The following AKAP8L variants were observed in gnomAD, a reference collection of about 807,000 sequenced individuals.
The protein encoded by AKAP8L is A-kinase anchoring protein 8 like, also known as A-kinase anchor protein 8-like.
In AKAP8L, 34 loss-of-function variants were observed where a neutral mutation model predicts 77.5. That is an observed-to-expected ratio of 0.44 (90% CI 0.33 to 0.58). The LOEUF (loss-of-function observed/expected upper bound fraction) is 0.58, where lower values mean the gene tolerates loss of function less well. AKAP8L is among the 20% of genes least tolerant of loss of function. The pLI is 0.02. For missense variants in AKAP8L, 806 were observed against 887.6 expected (o/e 0.91, Z 1.17); for synonymous variants, 342 against 340.7 (o/e 1.00, Z -0.04).
chr19:15,414,891 G>A (rs536355597), intron 1 of AKAP8L, among the ~76,000 whole-genome samples: 74 of 152,294 alleles, frequency 4.9e-4, no homozygotes, highest in African/African-American at 1.4e-3. Context: ...CTCAGCCTCC[G>A]GGGCTCAAGT....
At chr19:15,415,697 T>C (rs1025008853) in intron 1 of AKAP8L, among the ~76,000 whole-genome samples, 3 of 151,902 alleles carry the variant, frequency 2.0e-5, no homozygotes, top group Non-Finnish European at 4.4e-5. Context: ...CCATCCTGGC[T>C]AACAAGGTGA....
rs1321036293 is a variant in AKAP8L, at chr19:15,397,376, C to A, written c.1406-96G>T. ...ACCACACCAGCTCCTCCTCAACTCGCCCTGCCACTTCCACCTGGGCCTGAG... is the reference window on the plus strand; with the variant it reads ...ACCACACCAGCTCCTCCTCAACTCGACCTGCCACTTCCACCTGGGCCTGAG... On this transcript the variant is annotated intron_variant, in intron 11 of 13. Transcript: ENST00000397410. This position sits in a 1 kb window ranked among gnomAD's most constrained non-coding sequence, Gnocchi z 4.7. The A allele has an allele frequency of 6.5e-7, 1 of 1,529,786 alleles. No individual in the cohort carries two copies. Among genetic ancestry groups the A allele is most frequent in the East Asian group, 2.4e-5 (1 of 42,388 alleles). The allele number at this position is 1,529,786 out of a possible 1,614,324, so 94.8% of individuals were successfully genotyped here.
rs1005215736 is a variant in AKAP8L at position 15,418,814 on chromosome 19, C to T, written c.13+97G>A. 2.5e-5 allele frequency: 32 copies of T among 1,291,162 alleles called. No homozygotes were observed. The African/African-American group carries it at 4.2e-4, about 17-fold the overall frequency. 80.0% of individuals were successfully genotyped at this position (1,291,162 alleles called of 1,614,324 possible). On this transcript the variant is annotated intron_variant, in intron 1 of 13. Coordinates refer to ENST00000397410, the MANE Select transcript of AKAP8L (RefSeq NM_014371.4). ...TTTGTGACCGCAGGGAAGGCAGTGA[C>T]GGGGCCCCAGGGGAGGTGCGGGCAA...
Position 15,392,619 on chromosome 19 carries a change from G to A in AKAP8L, c.1536+4531C>T, listed in dbSNP as rs981814146. Among the ~76,000 whole-genome samples the A allele has an allele frequency of 5.3e-5, 8 of 151,766 alleles. No individual in the cohort carries two copies. The East Asian group carries it at 7.7e-4, about 15-fold the overall frequency. ...TACTTATAAATAATCTTAACAGGCC[G>A]GGCCTGGTGGCTCATGCCTGTAATC... On this transcript the variant is annotated intron_variant, in intron 12 of 13. Transcript: ENST00000397410.
chr19:15,395,052 C>CAA (rs1376616414), intron 12 of AKAP8L, among the ~76,000 whole-genome samples: 1 of 149,602 alleles, frequency 6.7e-6, no homozygotes, highest in Non-Finnish European at 1.5e-5. Context: ...TTTTTTGAGA[C>CAA]AGAGTCTCGC....
chr19:15,387,852 G>A (rs914443045), intron 12 of AKAP8L, among the ~76,000 whole-genome samples: 3 of 152,048 alleles, frequency 2.0e-5, no homozygotes, highest in Non-Finnish European at 2.9e-5. Flanking sequence ...CCAGCTACTC[G>A]GGAGGCTGAG....
rs756281410 is a variant in AKAP8L, at chr19:15,401,007, C to T, written c.853G>A (p.Asp285Asn). Residue 285 changes from aspartate (D) to asparagine (N), a missense_variant, in exon 6 of 14, where the codon GAT becomes AAT. Physicochemically the swap from Asp to Asn is conservative, Grantham distance 23 (BLOSUM62 1). This residue lies in a region of AKAP8L where 580 missense variants were observed against 694.1 expected (regional missense o/e 0.84). Coordinates refer to ENST00000397410, the MANE Select transcript of AKAP8L (RefSeq NM_014371.4). The surrounding 1 kb of genome is among the most constrained non-coding windows in gnomAD (Gnocchi z 6.2). ...CGGGTGGCTTTGCTATCTGGCTCAT[C>T]AGGACTGCCGCCCTGCTTTCTCTTC... ...KKKRKQGGSPDEPDSKATRTD... is the reference protein window; with the variant it reads ...KKKRKQGGSPNEPDSKATRTD... 3 of 1,613,808 alleles carry T rather than the reference C, an allele frequency of 1.9e-6. No homozygotes were observed. The South Asian group carries it at 3.3e-5, about 18-fold the overall frequency.
At chr19:15,388,948 C>T (rs1234393174) in intron 12 of AKAP8L, among the ~76,000 whole-genome samples, 1 of 149,586 alleles carries the variant, frequency 6.7e-6, no homozygotes, top group African/African-American at 2.5e-5. Flanking sequence ...AGCTCGGTGG[C>T]TCACGCCTAT....
intron 1 of AKAP8L, 136 bp from the exon 2 acceptor site, chr19:15,410,730 A>C (rs911345136): frequency 1.5e-6 from 1 of 653,040 alleles, no homozygotes; most frequent in Non-Finnish European, 2.7e-6. Flanking sequence ...TAGATTCCAC[A>C]GTTTAATTAG....
At position 15,401,200 on chromosome 19, in the gene AKAP8L, T is replaced by C. The variant is rs746832171; in HGVS notation, c.766A>G (p.Met256Val). Residue 256 changes from methionine (M) to valine (V), a missense_variant, in exon 5 of 14, where the codon ATG (methionine) becomes GTG (valine). By Grantham distance (21) the Met-to-Val change is conservative. Around this residue, in one of 2 missense-constraint regions of AKAP8L, gnomAD observed 580 missense variants for 694.1 expected, o/e 0.84. Coordinates refer to ENST00000397410, the MANE Select transcript of AKAP8L (RefSeq NM_014371.4). The surrounding 1 kb of genome is among the most constrained non-coding windows in gnomAD (Gnocchi z 6.2). ...SRFGFGFGNG[M>V]KQMRRTWKTW... ...TTCCAGGTCCGCCTCATCTGCTTCA[T>C]GCCATTGCCAAACCCGAAACCAAAG... 6.8e-6 allele frequency: 11 copies of C among 1,611,928 alleles called. No individual in the cohort carries two copies. In the South Asian group the frequency reaches 8.8e-5, roughly 13 times the overall value.
chr19:15,381,786 G>C (rs1366041982), intron 12 of AKAP8L: 1 of 152,170 alleles, frequency 6.6e-6, no homozygotes, highest in African/African-American at 2.4e-5. Context: ...TAGATGCCCA[G>C]ATAACCACAC....
intron 12 of AKAP8L, among the ~76,000 whole-genome samples, chr19:15,386,980 C>T (rs959626747): frequency 2.0e-5 from 3 of 152,250 alleles, no homozygotes; most frequent in East Asian, 3.9e-4. Context: ...TCTCTCATCC[C>T]GCCCCCAGCT....
chr19:15,411,193 G>T (rs907329372), intron 1 of AKAP8L, among the ~76,000 whole-genome samples: 1 of 152,096 alleles, frequency 6.6e-6, no homozygotes, highest in Admixed American at 6.5e-5. Context: ...TGTTAAATGA[G>T]GAAACTATTC....
At chr19:15,413,740 T>C (rs1258094181) in intron 1 of AKAP8L, among the ~76,000 whole-genome samples, 2 of 152,222 alleles carry the variant, frequency 1.3e-5, no homozygotes, top group African/African-American at 4.8e-5. Flanking sequence ...CTTTCAGCAA[T>C]TGGGCCACCA....
Position 15,397,484 on chromosome 19 carries a change from C to G in AKAP8L, c.1405+36G>C. Reference sequence around the variant, plus strand: ...CGAAAATCAGGAGTGCAGGCTGAGGCCTTGCCTGGTGGGAGTGGGCTGAAA... The same window carrying G: ...CGAAAATCAGGAGTGCAGGCTGAGGGCTTGCCTGGTGGGAGTGGGCTGAAA... On this transcript the variant is annotated intron_variant, in intron 11 of 13. Coordinates refer to ENST00000397410, the MANE Select transcript of AKAP8L (RefSeq NM_014371.4). This position sits in a 1 kb window ranked among gnomAD's most constrained non-coding sequence, Gnocchi z 4.7. The G allele has an allele frequency of 6.3e-7, 1 of 1,580,000 alleles. No homozygotes were observed. Among genetic ancestry groups the G allele is most frequent in the South Asian group, 1.1e-5 (1 of 90,018 alleles).
At chr19:15,404,707 G>T (rs548911406) in intron 2 of AKAP8L, among the ~76,000 whole-genome samples, 1 of 152,332 alleles carries the variant, frequency 6.6e-6, no homozygotes, top group African/African-American at 2.4e-5. Flanking sequence ...CTGGGTCTCT[G>T]GTGAGACCCA....
rs544928225 is a variant in AKAP8L at position 15,387,788 on chromosome 19, G to A, written c.1537-7176C>T. 3.9e-5 allele frequency among the ~76,000 whole-genome samples: 6 copies of A among 152,088 alleles called. No individual in the cohort carries two copies. The South Asian group carries it at 6.2e-4, about 16-fold the overall frequency. The stretch of plus-strand genomic sequence containing the variant: ...AGCCTGGCCAACATGGTGAAACCCC[G>A]TCTCTACTAACAATACAAAAATTAG... On this transcript the variant is annotated intron_variant, in intron 12 of 13. Coordinates refer to ENST00000397410, the MANE Select transcript of AKAP8L (RefSeq NM_014371.4).
intron 12 of AKAP8L, among the ~76,000 whole-genome samples, chr19:15,396,843 T>TC (rs1458516551): frequency 6.6e-6 from 1 of 152,110 alleles, no homozygotes; most frequent in Non-Finnish European, 1.5e-5. Flanking sequence ...CCCAACCCCC[T>TC]CCTCCAGCAA....
intron 1 of AKAP8L, among the ~76,000 whole-genome samples, chr19:15,414,551 C>T (rs1316406206): frequency 2.6e-5 from 4 of 152,072 alleles, no homozygotes; most frequent in East Asian, 1.9e-4. Flanking sequence ...TGCAGTGGCA[C>T]GATCTTGGCT....
Sources: allele counts gnomAD v4.1 joint callset (sites outside exome capture counted in the v4.1 genomes callset), GRCh38; gene constraint gnomAD v4.1.1; regional missense constraint gnomAD v4.1.1; non-coding constraint Gnocchi (gnomAD v3.1); transcripts MANE v1.5; gene names NCBI Gene and HGNC (gene_info 2026-07-23, HGNC 2026-07-21).